The following ITPRIP variants were observed in gnomAD, a reference collection of about 807,000 sequenced individuals.
The protein encoded by ITPRIP is inositol 1,4,5-trisphosphate receptor interacting protein.
In ITPRIP, 32 loss-of-function variants were observed where a neutral mutation model predicts 35.8. That is an observed-to-expected ratio of 0.89 (90% CI 0.68 to 1.20). The LOEUF (loss-of-function observed/expected upper bound fraction) is 1.20, where lower values mean the gene tolerates loss of function less well. Ranked by LOEUF, ITPRIP falls within the 50% of genes most tolerant of loss-of-function variation. The pLI, the probability that ITPRIP is intolerant of heterozygous loss-of-function variation, is 0.00. For missense variants in ITPRIP, 653 were observed against 735.6 expected (o/e 0.89, Z 1.30); for synonymous variants, 358 against 324.0 (o/e 1.11, Z -1.13).
chr10:104,315,950 C>A lies in ITPRIP; in HGVS notation c.102G>T (p.Glu34Asp), dbSNP rs2013670248. 6.2e-7 allele frequency: 1 copy of A among 1,613,860 alleles called. No individual in the cohort carries two copies. The highest frequency in any genetic ancestry group is 1.1e-5 in the South Asian group (1 of 91,088). Residue 34 changes from glutamate (E) to aspartate (D), a missense_variant, in exon 2 of 2, where the codon GAG (glutamate) becomes GAT (aspartate). By Grantham distance (45) the Glu-to-Asp change is conservative. Coordinates refer to ENST00000337478, the MANE Select transcript of ITPRIP (RefSeq NM_001272013.2). This position sits in a 1 kb window ranked among gnomAD's most constrained non-coding sequence, Gnocchi z 5.7. ...CCTGCATCTTGCGGATGATCTCCTC[C>A]TCGTTCTCGGGGACTGTGGCGTTCT... ...PRENATVPEN[E>D]EEIIRKMQAH...
At chr10:104,317,806 C>T (rs557436685) in intron 1 of ITPRIP, among the ~76,000 whole-genome samples, 2 of 152,286 alleles carry the variant, frequency 1.3e-5, no homozygotes, top group South Asian at 4.1e-4. Context: ...GGATTTGTCC[C>T]CAGGTAAAGA....
At position 104,312,826 on chromosome 10, in the gene ITPRIP, G is replaced by A. The variant is rs1367846642; in HGVS notation, c.*1582C>T. On this transcript the variant is annotated 3_prime_UTR_variant, in exon 2 of 2. Coordinates refer to ENST00000337478, the MANE Select transcript of ITPRIP (RefSeq NM_001272013.2). The stretch of plus-strand genomic sequence containing the variant: ...GGTAACTGGGCACCCCTGTCAAGTT[G>A]GTTATGCTCTCGGGAAGGCATGGCC... The A allele has an allele frequency of 1.0e-6, 1 of 985,358 alleles. No individual in the cohort carries two copies. The highest frequency in any genetic ancestry group is 1.2e-6 in the Non-Finnish European group (1 of 829,922). The allele number at this position is 985,358 out of a possible 1,614,324, so 61.0% of individuals were successfully genotyped here. A position where few individuals can be genotyped will look rare whatever the true frequency, so the allele number is the denominator to read the frequency against.
chr10:104,313,359 C>T lies in ITPRIP; in HGVS notation c.*1049G>A, dbSNP rs117505999. ...GTCTACTGTCTTACAGCAGAGACTT[C>T]GCTGCAGGACGCAGGGCCAGAAGAG... On this transcript the variant is annotated 3_prime_UTR_variant, in exon 2 of 2. Coordinates refer to ENST00000337478, the MANE Select transcript of ITPRIP (RefSeq NM_001272013.2). The T allele has an allele frequency of 1.2e-4, 114 of 986,326 alleles. 1 individual carries two copies. The East Asian group carries it at 8.4e-3, about 73-fold the overall frequency. 61.1% of individuals were successfully genotyped at this position (986,326 alleles called of 1,614,324 possible).
intron 1 of ITPRIP, among the ~76,000 whole-genome samples, chr10:104,321,552 T>TC (rs930931734): frequency 2.6e-5 from 4 of 151,750 alleles, no homozygotes; most frequent in African/African-American, 9.7e-5. Flanking sequence ...CACTCCTGGG[T>TC]CCCCCAGAGC....
chr10:104,321,006 G>A (rs989496542), intron 1 of ITPRIP, among the ~76,000 whole-genome samples: 3 of 152,150 alleles, frequency 2.0e-5, no homozygotes, highest in Non-Finnish European at 4.4e-5. Flanking sequence ...AAGGAAACAG[G>A]GCATTCTGAC....
At chr10:104,318,094 A>T (rs1028706206) in intron 1 of ITPRIP, among the ~76,000 whole-genome samples, 1 of 152,188 alleles carries the variant, frequency 6.6e-6, no homozygotes, top group African/African-American at 2.4e-5. Context: ...AAGAAGTCAC[A>T]CTGCAAGGTG....
At chr10:104,338,068 C>G (rs917205310) in intron 1 of ITPRIP, among the ~76,000 whole-genome samples, 178 bp downstream of exon 1, 4 of 152,200 alleles carry the variant, frequency 2.6e-5, no homozygotes, top group African/African-American at 9.6e-5. Context: ...TGGGCACGCG[C>G]GCTTTAAGGG....
chr10:104,320,468 G>C (rs965368590), intron 1 of ITPRIP, among the ~76,000 whole-genome samples: 1 of 151,676 alleles, frequency 6.6e-6, no homozygotes, highest in African/African-American at 2.4e-5. Flanking sequence ...CTCACTTCAA[G>C]TTGTCCCATC....
At chr10:104,335,811 T>C (rs2014222742) in intron 1 of ITPRIP, among the ~76,000 whole-genome samples, 1 of 152,212 alleles carries the variant, frequency 6.6e-6, no homozygotes, top group East Asian at 1.9e-4. Context: ...CCTTCCAGGC[T>C]CTGGAACACT....
In ITPRIP at chr10:104,315,158, C is replaced by G. The variant is rs982994493; in HGVS notation, c.894G>C (p.Met298Ile). 3 of 1,614,104 alleles carry G rather than the reference C, an allele frequency of 1.9e-6. No homozygotes were observed. In the African/African-American group the frequency reaches 4.0e-5, roughly 22 times the overall value. Residue 298 changes from methionine (M) to isoleucine (I), a missense_variant, in exon 2 of 2, where the codon ATG becomes ATC. Transcript: ENST00000337478. The surrounding 1 kb of genome is among the most constrained non-coding windows in gnomAD (Gnocchi z 5.7). ...CATDSLYLDT[M>I]QVMKWFQTAL... ...CCGTCTGGAACCACTTCATGACCTG[C>G]ATCGTGTCCAGGTACAGGGAATCTG...
In ITPRIP at chr10:104,310,572, T is replaced by C. The variant is rs2013460815; in HGVS notation, c.*3836A>G. ...ACCACTGTGACAGTAGGTAAGTCAG[T>C]TGCCCCTTCAGTGCCTGTTTCCTTA... On this transcript the variant is annotated 3_prime_UTR_variant, in exon 2 of 2. Transcript: ENST00000337478. 6.6e-6 allele frequency: 1 copy of C among 152,212 alleles called. No homozygotes were observed. Among genetic ancestry groups the C allele is most frequent in the South Asian group, 2.1e-4 (1 of 4,836 alleles). The allele number at this position is 152,212 out of a possible 1,614,324, so 9.4% of individuals were successfully genotyped here. A position where few individuals can be genotyped will look rare whatever the true frequency, so the allele number is the denominator to read the frequency against.
At chr10:104,319,937 C>T (rs760274420) in intron 1 of ITPRIP, among the ~76,000 whole-genome samples, 2 of 152,064 alleles carry the variant, frequency 1.3e-5, no homozygotes, top group African/African-American at 4.8e-5. Context: ...CTAGGAGTGA[C>T]AAAACAGACT....
In ITPRIP at chr10:104,328,276, T is replaced by A; in HGVS notation, c.-14+9970A>T. 1 of 985,436 alleles carries A rather than the reference T, an allele frequency of 1.0e-6. No individual in the cohort carries two copies. The highest frequency in any genetic ancestry group is 1.2e-6 in the Non-Finnish European group (1 of 829,944). 61.0% of individuals were successfully genotyped at this position (985,436 alleles called of 1,614,324 possible). A position where few individuals can be genotyped will look rare whatever the true frequency, so the allele number is the denominator to read the frequency against. ...TACATTGGCTTGGTCTGGGCTCGTA[T>A]TCCTCCGAATTTCCCCTAGCCCTGT... On this transcript the variant is annotated intron_variant, in intron 1 of 1. Transcript: ENST00000337478. This position sits in a 1 kb window ranked among gnomAD's most constrained non-coding sequence, Gnocchi z 4.1.
rs567001265 is a variant in ITPRIP at position 104,336,988 on chromosome 10, C to T, written c.-14+1258G>A. Among the ~76,000 whole-genome samples, 9 of 152,272 alleles carry T rather than the reference C, an allele frequency of 5.9e-5. No homozygotes were observed. The South Asian group carries it at 1.7e-3, about 28-fold the overall frequency. On this transcript the variant is annotated intron_variant, in intron 1 of 1. Coordinates refer to ENST00000337478, the MANE Select transcript of ITPRIP (RefSeq NM_001272013.2). ...GTCAGTATAACTACTTCATGGTTAC[C>T]CACAAGTGGAGAAAATCCGAAGGCA...
At position 104,315,676 on chromosome 10, in the gene ITPRIP, G is replaced by C. The variant is rs758161118; in HGVS notation, c.376C>G (p.Leu126Val). 2.5e-6 allele frequency: 4 copies of C among 1,612,938 alleles called. No homozygotes were observed. In the South Asian group the frequency reaches 4.4e-5, roughly 18 times the overall value. The change falls in exon 2 of 2, where the codon CTG (leucine) becomes GTG (valine). Residue 126 changes from leucine (L) to valine (V), a missense_variant. Leu to Val is a conservative substitution (Grantham distance 32, BLOSUM62 1). Transcript: ENST00000337478. This position sits in a 1 kb window ranked among gnomAD's most constrained non-coding sequence, Gnocchi z 5.7. ...AGGCCCTGCAAGGGGGCGCCCCCCA[G>C]CCCAGGCAGCTCATCCTCCTCACCG... Reference protein sequence around the residue: ...LGGEEDELPGLGGAPLQGLTL... With the variant: ...LGGEEDELPGVGGAPLQGLTL...
chr10:104,324,362 C>T (rs2013933610), intron 1 of ITPRIP, among the ~76,000 whole-genome samples: 5 of 152,128 alleles, frequency 3.3e-5, no homozygotes, highest in South Asian at 4.1e-4. Flanking sequence ...AGACTGGGGC[C>T]GGAGGCTGGG....
chr10:104,323,291 T>C (rs900562484), intron 1 of ITPRIP: 2 of 152,386 alleles, frequency 1.3e-5, no homozygotes, highest in East Asian at 3.9e-4. Flanking sequence ...ATATGTTTTG[T>C]CATTTAATTG....
chr10:104,318,698 G>C (rs2013756339), intron 1 of ITPRIP, among the ~76,000 whole-genome samples: 1 of 152,186 alleles, frequency 6.6e-6, no homozygotes, highest in South Asian at 2.1e-4. Context: ...AGGAAAAGAG[G>C]ATAGACTCGA....
At chr10:104,335,769 T>C (rs1275066281) in intron 1 of ITPRIP, among the ~76,000 whole-genome samples, 2 of 152,234 alleles carry the variant, frequency 1.3e-5, no homozygotes, top group Non-Finnish European at 2.9e-5. Flanking sequence ...AAGTTGCTTC[T>C]TGGTCTATGA....
Sources: gnomAD v4.1 joint callset for allele counts (sites outside exome capture counted in the v4.1 genomes callset) on GRCh38, gnomAD v4.1.1 for gene constraint, Gnocchi (gnomAD v3.1) non-coding constraint, MANE v1.5 for transcripts, NCBI Gene and HGNC (gene_info 2026-07-23, HGNC 2026-07-21) for gene names.